Variants in ARIH2 observed in about 807,000 individuals in gnomAD.
ARIH2 encodes ariadne RBR E3 ubiquitin protein ligase 2, also known as E3 ubiquitin-protein ligase ARIH2.
ARIH2 carries 12 observed loss-of-function variants against 79.8 expected under a neutral mutation model. The observed-to-expected ratio is 0.15, with a 90% confidence interval of 0.10 to 0.24. The LOEUF (loss-of-function observed/expected upper bound fraction) is 0.24. Ranked by LOEUF, ARIH2 falls within the 10% of genes least tolerant of loss-of-function variation. The pLI is 1.00. For synonymous variants in ARIH2, 224 were observed against 213.9 expected (o/e 1.05, Z -0.41); for missense variants, 301 against 618.3 (o/e 0.49, Z 5.44).
chr3:48,924,404 G>A (rs1458795603), intron 2 of ARIH2, among the ~76,000 whole-genome samples: 1 of 151,996 alleles, frequency 6.6e-6, no homozygotes, highest in African/African-American at 2.4e-5. Context: ...CTGTTGCCTA[G>A]GCTGGAGTGC....
intron 7 of ARIH2, 131 bp downstream of exon 7, chr3:48,968,786 T>TA (rs1410065845): frequency 9.2e-6 from 12 of 1,302,298 alleles, no homozygotes; most frequent in African/African-American, 1.5e-5. Flanking sequence ...TCCATGGCTT[T>TA]AAAAAAAGTT....
intron 3 of ARIH2, among the ~76,000 whole-genome samples, chr3:48,937,862 A>T (rs988603388): frequency 2.0e-5 from 3 of 152,098 alleles, no homozygotes; most frequent in Admixed American, 2.0e-4. Flanking sequence ...CCTGGCCAAC[A>T]CAATGAAACG....
intron 2 of ARIH2, among the ~76,000 whole-genome samples, chr3:48,924,385 A>G (rs1169839407): frequency 6.6e-6 from 1 of 151,996 alleles, no homozygotes; most frequent in Non-Finnish European, 1.5e-5. Context: ...TTTTGGAGAC[A>G]GAATCTCTCT....
In ARIH2 at chr3:48,927,503, G is replaced by A. The variant is rs536857938; in HGVS notation, c.-56G>A. On this transcript the variant is annotated 5_prime_UTR_variant, in exon 3 of 16. Coordinates refer to ENST00000356401, the MANE Select transcript of ARIH2 (RefSeq NM_006321.4). The stretch of plus-strand genomic sequence containing the variant: ...TGCATTTGAGAAAGCGGTAGTTTTG[G>A]GGGGAGGGGGAAAAAGCAACTGCTT... 13 of 1,581,986 alleles carry A rather than the reference G, an allele frequency of 8.2e-6. No individual in the cohort carries two copies. The highest frequency in any genetic ancestry group is 2.2e-5 in the East Asian group (1 of 44,644).
intron 3 of ARIH2, among the ~76,000 whole-genome samples, chr3:48,937,769 C>G (rs902033307): frequency 1.3e-5 from 2 of 152,106 alleles, no homozygotes; most frequent in Non-Finnish European, 2.9e-5. Context: ...TAAACCTGGC[C>G]AGGCGCGGTG....
At chr3:48,942,781 A>G (rs2088515811) in intron 3 of ARIH2, among the ~76,000 whole-genome samples, 1 of 151,576 alleles carries the variant, frequency 6.6e-6, no homozygotes, top group Non-Finnish European at 1.5e-5. Flanking sequence ...CCTCCCGAGT[A>G]ACTGGGATTA....
rs746747056 is a variant in ARIH2, at chr3:48,927,726, C to G, written c.168C>G (p.Pro56=). 6.2e-7 allele frequency: 1 copy of G among 1,614,072 alleles called. No individual in the cohort carries two copies. Among genetic ancestry groups the G allele is most frequent in the African/African-American group, 1.3e-5 (1 of 74,918 alleles). ...AGCAGGGGGCTGATGCCTTTGATCCCGAGGAGTACCAGTTCACTTGCTTGA... is the reference window on the plus strand; with the variant it reads ...AGCAGGGGGCTGATGCCTTTGATCCGGAGGAGTACCAGTTCACTTGCTTGA... ...VEQQGADAFD[P]EEYQFTCLTY... Residue 56 remains proline, a synonymous_variant, in exon 3 of 16, where the codon CCC becomes CCG. Coordinates refer to ENST00000356401, the MANE Select transcript of ARIH2 (RefSeq NM_006321.4).
intron 3 of ARIH2, among the ~76,000 whole-genome samples, chr3:48,949,406 C>T (rs145551205): frequency 5.3e-5 from 8 of 152,302 alleles, no homozygotes; most frequent in African/African-American, 1.4e-4. Flanking sequence ...CGTGCCCAGC[C>T]GTGTTTAACA....
chr3:48,947,302 G>A (rs771239906), intron 3 of ARIH2, among the ~76,000 whole-genome samples: 2 of 152,260 alleles, frequency 1.3e-5, no homozygotes, highest in South Asian at 4.1e-4. Flanking sequence ...TTAGCCGGGC[G>A]TTGTAGCGCA....
At chr3:48,966,589 G>T (rs1442169709) in intron 5 of ARIH2, among the ~76,000 whole-genome samples, 1 of 152,160 alleles carries the variant, frequency 6.6e-6, no homozygotes, top group East Asian at 1.9e-4. Flanking sequence ...AAAGGCTGTA[G>T]TATTTTGTGG....
At chr3:48,930,507 G>T (rs372530931) in intron 3 of ARIH2, among the ~76,000 whole-genome samples, 1 of 151,750 alleles carries the variant, frequency 6.6e-6, no homozygotes, top group Non-Finnish European at 1.5e-5. Flanking sequence ...TTTTTTTTTG[G>T]TAGAGATGGG....
At chr3:48,973,005 G>C (rs2092320960) in intron 8 of ARIH2, among the ~76,000 whole-genome samples, 1 of 152,190 alleles carries the variant, frequency 6.6e-6, no homozygotes, top group Admixed American at 6.5e-5. Flanking sequence ...ATGAATCACT[G>C]CACTCGGCCT....
At chr3:48,949,133 T>C in intron 3 of ARIH2, 1 of 419,562 alleles carries the variant, frequency 2.4e-6, no homozygotes, top group Non-Finnish European at 4.7e-6. Flanking sequence ...TTTATTTATT[T>C]TTGAGACGGA....
chr3:48,943,642 A>T (rs1453119059), intron 3 of ARIH2: 1 of 152,188 alleles, frequency 6.6e-6, no homozygotes. Flanking sequence ...ATAAACAGAA[A>T]GGTTATAAAA....
At chr3:48,962,593 C>G (rs2091388404) in intron 4 of ARIH2, among the ~76,000 whole-genome samples, 1 of 152,112 alleles carries the variant, frequency 6.6e-6, no homozygotes, top group African/African-American at 2.4e-5. Context: ...GGCGTGTGCC[C>G]CTGTCTAGCA....
At chr3:48,983,053 T>G in intron 15 of ARIH2, 74 bp downstream of exon 15, 1 of 1,530,060 alleles carries the variant, frequency 6.5e-7, no homozygotes, top group Non-Finnish European at 9.1e-7. Context: ...ACAGCGTTGT[T>G]GGCTTGTGCA....
chr3:48,959,315 CA>C (rs572436218), intron 3 of ARIH2, among the ~76,000 whole-genome samples: 1,593 of 82,716 alleles, frequency 0.019, 16 homozygotes, highest in African/African-American at 0.051. Context: ...GACTCCATCT[CA>C]AAAAAAAAAA....
At chr3:48,963,120 C>T (rs755377555) in intron 4 of ARIH2, among the ~76,000 whole-genome samples, 2 of 152,160 alleles carry the variant, frequency 1.3e-5, no homozygotes, top group Non-Finnish European at 2.9e-5. Flanking sequence ...AAGGACATAC[C>T]AGCTGGAGCA....
chr3:48,936,740 C>G (rs1309914200), intron 3 of ARIH2, among the ~76,000 whole-genome samples: 1 of 130,250 alleles, frequency 7.7e-6, no homozygotes, highest in Non-Finnish European at 1.7e-5. Context: ...CTCAAAAAAA[C>G]AAAAACAGGC....
Sources: gnomAD v4.1 joint callset for allele counts (sites outside exome capture counted in the v4.1 genomes callset) on GRCh38, gnomAD v4.1.1 for gene constraint, MANE v1.5 for transcripts, NCBI Gene and HGNC (gene_info 2026-07-23, HGNC 2026-07-21) for gene names.